The following KIRREL3 variants were observed in gnomAD, a reference collection of about 807,000 sequenced individuals.
KIRREL3 encodes kirre like nephrin family adhesion molecule 3, also known as kin of IRRE-like protein 3.
Under a neutral mutation model 89.7 loss-of-function variants are expected in KIRREL3, and 36 were observed. The observed-to-expected ratio is 0.40, with a 90% CI of 0.31 to 0.53. The LOEUF is 0.53. Among genes scored for constraint, KIRREL3 ranks in the 20% least tolerant of loss-of-function variants. KIRREL3 has a pLI of 0.49. For synonymous variants in KIRREL3, 445 were observed against 441.4 expected (o/e 1.01, Z -0.10); for missense variants, 864 against 1,056.6 (o/e 0.82, Z 2.53).
intron 1 of KIRREL3, among the ~76,000 whole-genome samples, chr11:126,681,393 C>T (rs1013835050): frequency 2.0e-5 from 3 of 152,172 alleles, no homozygotes; most frequent in Admixed American, 1.3e-4. Flanking sequence ...TTATTGCCTA[C>T]AGTCATCAGG....
rs1949080692 is a variant in KIRREL3, at chr11:126,744,503, A to G, written c.56-181591T>C. 6.6e-6 allele frequency among the ~76,000 whole-genome samples: 1 copy of G among 152,208 alleles called. No homozygotes were observed. Among genetic ancestry groups the G allele is most frequent in the Admixed American group, 6.5e-5 (1 of 15,286 alleles). ...ATGTATCTTGATGGAAGCAGCACCAAGTTCTGGAGACTGATCAGGAAGCAG... is the reference window on the plus strand; with the variant it reads ...ATGTATCTTGATGGAAGCAGCACCAGGTTCTGGAGACTGATCAGGAAGCAG... On this transcript the variant is annotated intron_variant, in intron 1 of 16. Transcript: ENST00000525144. The surrounding 1 kb of genome is among the most constrained non-coding windows in gnomAD (Gnocchi z 4.7).
rs1300152710 is a variant in KIRREL3, at chr11:126,912,824, C to A, written c.55+87631G>T. The stretch of plus-strand genomic sequence containing the variant: ...GAGGAACTTGGCGTGATAATGGAAC[C>A]TAGTGATGAAATTTCTTGGCCACTA... On this transcript the variant is annotated intron_variant, in intron 1 of 16. Coordinates refer to ENST00000525144, the MANE Select transcript of KIRREL3 (RefSeq NM_032531.4). The surrounding 1 kb of genome is among the most constrained non-coding windows in gnomAD (Gnocchi z 4.7). 1.3e-5 allele frequency among the ~76,000 whole-genome samples: 2 copies of A among 152,224 alleles called. No homozygotes were observed. The highest frequency in any genetic ancestry group is 1.9e-4 in the East Asian group (1 of 5,196).
chr11:126,602,629 C>T (rs1942710654), intron 1 of KIRREL3, among the ~76,000 whole-genome samples: 1 of 152,178 alleles, frequency 6.6e-6, no homozygotes, highest in Non-Finnish European at 1.5e-5. Context: ...CTGTCACAGT[C>T]CCATCACAGA....
At chr11:126,950,650 A>G (rs1948750700) in intron 1 of KIRREL3, among the ~76,000 whole-genome samples, 1 of 152,182 alleles carries the variant, frequency 6.6e-6, no homozygotes, top group Non-Finnish European at 1.5e-5. Flanking sequence ...ATTCTCCTTA[A>G]TGTGGATGCC....
At position 126,689,042 on chromosome 11, in the gene KIRREL3, A is replaced by AAGAG. The variant is rs58257040; in HGVS notation, c.56-126134_56-126131dup. Among the ~76,000 whole-genome samples, 9,278 of 129,668 alleles carry AAGAG rather than the reference A, an allele frequency of 0.072. 358 individuals carry two copies. The highest frequency in any genetic ancestry group is 0.08 in the African/African-American group (2,661 of 33,364). 85.1% of individuals were successfully genotyped at this position (129,668 alleles called of 152,430 possible). ...ATGTGTGTGTGTGTAAGGGGGAGAG[A>AAGAG]AGAGAGAGAGAGAGAGAGAGAGAGA... On this transcript the variant is annotated intron_variant, in intron 1 of 16. Transcript: ENST00000525144. The surrounding 1 kb of genome is among the most constrained non-coding windows in gnomAD (Gnocchi z 5.2).
intron 1 of KIRREL3, among the ~76,000 whole-genome samples, chr11:126,591,929 T>A (rs1942154767): frequency 6.6e-6 from 1 of 152,152 alleles, no homozygotes. Flanking sequence ...TCACCACCCC[T>A]GGAGCCCAAG....
At position 126,909,446 on chromosome 11, in the gene KIRREL3, G is replaced by A. The variant is rs889570304; in HGVS notation, c.55+91009C>T. 6.6e-6 allele frequency among the ~76,000 whole-genome samples: 1 copy of A among 152,314 alleles called. No homozygotes were observed. ...CTCCCAGCATACCCACAGAGTGAGA[G>A]CCATGCCTATTCCTTCAGCACGTGC... On this transcript the variant is annotated intron_variant, in intron 1 of 16. Transcript: ENST00000525144. The surrounding 1 kb of genome is among the most constrained non-coding windows in gnomAD (Gnocchi z 4.5).
At position 126,881,005 on chromosome 11, in the gene KIRREL3, G is replaced by A. The variant is rs138604089; in HGVS notation, c.55+119450C>T. 5.4e-3 allele frequency among the ~76,000 whole-genome samples: 828 copies of A among 152,302 alleles called. 8 individuals are homozygous for A. Among genetic ancestry groups the A allele is most frequent in the Non-Finnish European group, 9.5e-3 (648 of 68,030 alleles). ...AAATGTTAATGCAAACATAATAACAGGCTGTATGTTTGTGCTGAGAATGTC... is the reference window on the plus strand; with the variant it reads ...AAATGTTAATGCAAACATAATAACAAGCTGTATGTTTGTGCTGAGAATGTC... On this transcript the variant is annotated intron_variant, in intron 1 of 16. Coordinates refer to ENST00000525144, the MANE Select transcript of KIRREL3 (RefSeq NM_032531.4).
At chr11:126,735,167 C>A (rs544166902) in intron 1 of KIRREL3, among the ~76,000 whole-genome samples, 1 of 152,224 alleles carries the variant, frequency 6.6e-6, no homozygotes, top group South Asian at 2.1e-4. Flanking sequence ...TTTGATGACA[C>A]CTTTTATGTC....
At chr11:126,680,249 T>G (rs1035362755) in intron 1 of KIRREL3, among the ~76,000 whole-genome samples, 2 of 152,180 alleles carry the variant, frequency 1.3e-5, no homozygotes, top group Admixed American at 1.3e-4. Flanking sequence ...GATCTCTTAA[T>G]GAATATGATT....
chr11:126,482,381 T>C (rs1461327558), intron 4 of KIRREL3, among the ~76,000 whole-genome samples: 1 of 152,226 alleles, frequency 6.6e-6, no homozygotes, highest in Non-Finnish European at 1.5e-5. Context: ...GTCGGGCAGC[T>C]TGGGTTTGAA....
In KIRREL3 at chr11:126,761,074, G is replaced by A. The variant is rs1949653510; in HGVS notation, c.56-198162C>T. 6.6e-6 allele frequency among the ~76,000 whole-genome samples: 1 copy of A among 152,184 alleles called. No individual in the cohort carries two copies. The highest frequency in any genetic ancestry group is 1.5e-5 in the Non-Finnish European group (1 of 68,034). ...GCATTCTTTACTGCTGGACCATGGA[G>A]GATATATGGAATGGGTGTGGAGGTG... On this transcript the variant is annotated intron_variant, in intron 1 of 16. Coordinates refer to ENST00000525144, the MANE Select transcript of KIRREL3 (RefSeq NM_032531.4). This position sits in a 1 kb window ranked among gnomAD's most constrained non-coding sequence, Gnocchi z 4.4.
In KIRREL3 at chr11:126,565,823, G is replaced by A. The variant is rs1940479417; in HGVS notation, c.56-2911C>T. ...TATTGTCCAAGCTACTAACCACAGA[G>A]AGAACCAGGAGGAAGCAGGAGGCAA... On this transcript the variant is annotated intron_variant, in intron 1 of 16. Coordinates refer to ENST00000525144, the MANE Select transcript of KIRREL3 (RefSeq NM_032531.4). The surrounding 1 kb of genome is among the most constrained non-coding windows in gnomAD (Gnocchi z 5.4). 6.6e-6 allele frequency among the ~76,000 whole-genome samples: 1 copy of A among 152,150 alleles called. No individual in the cohort carries two copies. Among genetic ancestry groups the A allele is most frequent in the South Asian group, 2.1e-4 (1 of 4,810 alleles).
Position 126,797,250 on chromosome 11 carries a change from T to C in KIRREL3, c.55+203205A>G, listed in dbSNP as rs1362575842. Among the ~76,000 whole-genome samples the C allele has an allele frequency of 2.6e-5, 4 of 152,222 alleles. No homozygotes were observed. Among genetic ancestry groups the C allele is most frequent in the African/African-American group, 7.2e-5 (3 of 41,458 alleles). ...ATTTAGATCCCACCTCTGCCACTTA[T>C]TGACCTCTCTGAGACTCAATTTCTC... On this transcript the variant is annotated intron_variant, in intron 1 of 16. Transcript: ENST00000525144. This position sits in a 1 kb window ranked among gnomAD's most constrained non-coding sequence, Gnocchi z 4.9.
Position 126,919,945 on chromosome 11 carries a change from G to A in KIRREL3, c.55+80510C>T, listed in dbSNP as rs547782407. On this transcript the variant is annotated intron_variant, in intron 1 of 16. Coordinates refer to ENST00000525144, the MANE Select transcript of KIRREL3 (RefSeq NM_032531.4). The stretch of plus-strand genomic sequence containing the variant: ...GAGGATACTACTAAGCAGTAACAAT[G>A]CTACTGCTAATTGTGTGCCATTTAT... Among the ~76,000 whole-genome samples the A allele has an allele frequency of 7.2e-5, 11 of 152,212 alleles. No homozygotes were observed. The South Asian group carries it at 2.3e-3, about 32-fold the overall frequency.
intron 1 of KIRREL3, among the ~76,000 whole-genome samples, chr11:126,732,052 A>G (rs1212190526): frequency 2.6e-5 from 4 of 152,180 alleles, no homozygotes; most frequent in Non-Finnish European, 5.9e-5. Context: ...GCTGGTTTCC[A>G]GCGAGTGCCA....
Position 126,689,197 on chromosome 11 carries a change from A to G in KIRREL3, c.56-126285T>C, listed in dbSNP as rs1946785829. 1.3e-5 allele frequency among the ~76,000 whole-genome samples: 2 copies of G among 152,190 alleles called. No individual in the cohort carries two copies. The highest frequency in any genetic ancestry group is 1.3e-4 in the Admixed American group (2 of 15,276). On this transcript the variant is annotated intron_variant, in intron 1 of 16. Transcript: ENST00000525144. This position sits in a 1 kb window ranked among gnomAD's most constrained non-coding sequence, Gnocchi z 5.2. ...TGAGAATTGTTGTTTCAGGAACTAG[A>G]AAGAATCCTGGAAATAGTTAAGAAA...
In KIRREL3 at chr11:126,759,432, G is replaced by A. The variant is rs1949604688; in HGVS notation, c.56-196520C>T. ...CATAAGCCACTGTACCCGGCCATGGGTATGTTTTTTAATGCATGTCATATA... is the reference window on the plus strand; with the variant it reads ...CATAAGCCACTGTACCCGGCCATGGATATGTTTTTTAATGCATGTCATATA... On this transcript the variant is annotated intron_variant, in intron 1 of 16. Transcript: ENST00000525144. 2.6e-5 allele frequency among the ~76,000 whole-genome samples: 4 copies of A among 152,162 alleles called. No homozygotes were observed. The South Asian group carries it at 8.3e-4, about 31-fold the overall frequency.
chr11:126,818,945 G>A (rs1592172004), intron 1 of KIRREL3, among the ~76,000 whole-genome samples: 2 of 152,092 alleles, frequency 1.3e-5, no homozygotes, highest in African/African-American at 4.8e-5. Context: ...TCCTGTCCTG[G>A]TCCAATGCCT....
Sources: allele counts gnomAD v4.1 joint callset (sites outside exome capture counted in the v4.1 genomes callset), GRCh38; gene constraint gnomAD v4.1.1; non-coding constraint Gnocchi (gnomAD v3.1); transcripts MANE v1.5; gene names NCBI Gene and HGNC (gene_info 2026-07-23, HGNC 2026-07-21).